PCDH15: variants seen among roughly 807,000 people sequenced by gnomAD.
The protein encoded by PCDH15 is protocadherin related 15, also known as protocadherin-15.
A neutral mutation model predicts 178.5 loss-of-function variants in PCDH15; 129 were observed. That is an observed-to-expected ratio of 0.72 (90% confidence interval 0.63 to 0.84). PCDH15 has a LOEUF of 0.84. Ranked by LOEUF, PCDH15 falls within the 40% of genes least tolerant of loss-of-function variation. The pLI is 0.00. For missense variants in PCDH15, 2,230 were observed against 2,099.9 expected, an observed-to-expected ratio of 1.06 and a Z score of -1.21; for synonymous variants, 800 against 732.0, an observed-to-expected ratio of 1.09 and a Z score of -1.50.
intron 2 of PCDH15, among the ~76,000 whole-genome samples, chr10:54,590,522 A>G (rs2091816126): frequency 6.6e-6 from 1 of 152,202 alleles, no homozygotes; most frequent in African/African-American, 2.4e-5. Context: ...AATGGCTTAA[A>G]TATTTCTGGC....
chr10:54,874,255 G>C (rs1374389482), intron 3 of PCDH15, among the ~76,000 whole-genome samples: 11 of 143,614 alleles, frequency 7.7e-5, no homozygotes, highest in African/African-American at 2.4e-4. Flanking sequence ...AGTTTACTGA[G>C]AATGATGATT....
intron 2 of PCDH15, among the ~76,000 whole-genome samples, chr10:55,616,425 C>CA (rs1207775077): frequency 6.6e-6 from 1 of 151,130 alleles, no homozygotes; most frequent in East Asian, 1.9e-4. Context: ...GAATTGCAGA[C>CA]AACCATGTAT....
At chr10:54,426,307 G>C (rs537831310) in intron 3 of PCDH15, among the ~76,000 whole-genome samples, 1 of 152,298 alleles carries the variant, frequency 6.6e-6, no homozygotes, top group African/African-American at 2.4e-5. Context: ...GGGTTGGGGG[G>C]AAGGTTTCGG....
intron 2 of PCDH15, among the ~76,000 whole-genome samples, chr10:55,557,822 G>T (rs1050916399): frequency 2.0e-5 from 3 of 152,186 alleles, no homozygotes; most frequent in African/African-American, 7.2e-5. Flanking sequence ...ACCGAGGTAA[G>T]AAAATACACT....
intron 2 of PCDH15, among the ~76,000 whole-genome samples, chr10:55,400,220 G>A (rs989651584): frequency 6.6e-6 from 1 of 152,026 alleles, no homozygotes; most frequent in African/African-American, 2.4e-5. Flanking sequence ...CTTATTTGTT[G>A]GAATGGAGTC....
At chr10:54,252,154 C>T (rs1433281045) in intron 8 of PCDH15, among the ~76,000 whole-genome samples, 1 of 152,158 alleles carries the variant, frequency 6.6e-6, no homozygotes, top group Non-Finnish European at 1.5e-5. Flanking sequence ...TCTTTTCCCT[C>T]TACTGCTGCT....
In PCDH15 at chr10:53,968,632, G is replaced by A. The variant is rs1025523493; in HGVS notation, c.2869-6740C>T. 1.1e-4 allele frequency among the ~76,000 whole-genome samples: 16 copies of A among 152,090 alleles called. 1 individual carries two copies. Among genetic ancestry groups the A allele is most frequent in the Admixed American group, 9.8e-4 (15 of 15,270 alleles). On this transcript the variant is annotated intron_variant, in intron 21 of 37. Coordinates refer to ENST00000644397, the MANE Select transcript of PCDH15 (RefSeq NM_001384140.1). ...AGGCCGACTGACACCTCATATAGCC[G>A]GACGCCACTCTGAGACGAAGCTTCC...
At position 54,125,683 on chromosome 10, in the gene PCDH15, GA is replaced by G. The variant is rs199818208; in HGVS notation, c.1917+7191del. Among the ~76,000 whole-genome samples the G allele has an allele frequency of 5.7e-3, 874 of 152,252 alleles. 4 individuals are homozygous for G. Among genetic ancestry groups the G allele is most frequent in the African/African-American group, 0.015 (624 of 41,554 alleles). On this transcript the variant is annotated intron_variant, in intron 15 of 37. Coordinates refer to ENST00000644397, the MANE Select transcript of PCDH15 (RefSeq NM_001384140.1). Reference sequence around the variant, plus strand: ...TGCAACAGGATTCTCTTTGACATAGGAAAAGTTACTTCTGCTTTGTTGGGAG... The same window carrying G: ...TGCAACAGGATTCTCTTTGACATAGGAAAGTTACTTCTGCTTTGTTGGGAG...
intron 1 of PCDH15, among the ~76,000 whole-genome samples, chr10:55,277,872 A>G (rs1287924599): frequency 5.9e-5 from 9 of 152,142 alleles, no homozygotes; most frequent in Non-Finnish European, 1.3e-4. Context: ...TTTTAAATAG[A>G]GAAAACAATA....
chr10:55,130,513 C>G (rs1181941496), intron 2 of PCDH15, among the ~76,000 whole-genome samples: 1 of 152,102 alleles, frequency 6.6e-6, no homozygotes, highest in Non-Finnish European at 1.5e-5. Flanking sequence ...TACCAGGGGT[C>G]AAAGCTCAGC....
chr10:55,011,440 T>C (rs1465588707), intron 2 of PCDH15, among the ~76,000 whole-genome samples: 2 of 152,100 alleles, frequency 1.3e-5, no homozygotes, highest in African/African-American at 4.8e-5. Context: ...ATTAAAGTGC[T>C]ATGGAGTCTT....
chr10:53,860,860 A>G (rs919150644), intron 27 of PCDH15, among the ~76,000 whole-genome samples: 1 of 151,994 alleles, frequency 6.6e-6, no homozygotes, highest in East Asian at 1.9e-4. Context: ...ATGTTAATAC[A>G]TTTTGAAAAT....
intron 2 of PCDH15, among the ~76,000 whole-genome samples, chr10:55,333,898 T>C (rs1449132649): frequency 6.6e-6 from 1 of 151,868 alleles, no homozygotes; most frequent in Non-Finnish European, 1.5e-5. Context: ...AATGTAAACC[T>C]TGGCAATCCT....
intron 1 of PCDH15, among the ~76,000 whole-genome samples, chr10:55,315,288 T>G (rs1051286043): frequency 1.3e-5 from 2 of 152,306 alleles, no homozygotes; most frequent in African/African-American, 4.8e-5. Context: ...TCTTGCAAAG[T>G]TTTTGTAAAA....
chr10:54,424,353 G>A (rs1380197412), intron 3 of PCDH15, among the ~76,000 whole-genome samples: 3 of 151,832 alleles, frequency 2.0e-5, no homozygotes, highest in Non-Finnish European at 2.9e-5. Flanking sequence ...AAAAAGTCAG[G>A]AAACAACAGG....
At chr10:54,163,875 T>G (rs2045952637) in intron 13 of PCDH15, among the ~76,000 whole-genome samples, 1 of 152,130 alleles carries the variant, frequency 6.6e-6, no homozygotes, top group Non-Finnish European at 1.5e-5. Flanking sequence ...GAAGATCAAG[T>G]CAGGAGGGAC....
intron 2 of PCDH15, among the ~76,000 whole-genome samples, chr10:55,079,600 C>T (rs892192680): frequency 2.0e-5 from 3 of 152,080 alleles, no homozygotes; most frequent in African/African-American, 7.2e-5. Flanking sequence ...CCTCAGATGC[C>T]AGTAGTGACA....
chr10:54,195,616 A>G lies in PCDH15; in HGVS notation c.1305+67T>C, dbSNP rs1286862281. ...TAGCTTATGTAGCCATATCTTTGTCATATTTCCCATTAATGGAAATATGAG... is the reference window on the plus strand; with the variant it reads ...TAGCTTATGTAGCCATATCTTTGTCGTATTTCCCATTAATGGAAATATGAG... On this transcript the variant is annotated intron_variant, in intron 11 of 37. Coordinates refer to ENST00000644397, the MANE Select transcript of PCDH15 (RefSeq NM_001384140.1). 42 of 1,347,958 alleles carry G rather than the reference A, an allele frequency of 3.1e-5. No homozygotes were observed. In the East Asian group the frequency reaches 9.5e-4, roughly 30 times the overall value. The allele number at this position is 1,347,958 out of a possible 1,614,324, so 83.5% of individuals were successfully genotyped here.
intron 8 of PCDH15, among the ~76,000 whole-genome samples, chr10:54,304,177 A>C (rs2060321741): frequency 6.6e-6 from 1 of 152,064 alleles, no homozygotes; most frequent in East Asian, 1.9e-4. Flanking sequence ...TTTGTATCTT[A>C]TTTACTCACC....
Sources: gnomAD v4.1 joint callset for allele counts (sites outside exome capture counted in the v4.1 genomes callset) on GRCh38, gnomAD v4.1.1 for gene constraint, MANE v1.5 for transcripts, NCBI Gene and HGNC (gene_info 2026-07-23, HGNC 2026-07-21) for gene names.